GPC5: variants seen among roughly 807,000 people sequenced by gnomAD.
The protein encoded by GPC5 is glypican-5.
GPC5 carries 47 observed loss-of-function variants against 53.9 expected under a neutral mutation model. The observed-to-expected ratio is 0.87, with a 90% CI of 0.69 to 1.11. GPC5 has a LOEUF of 1.11. GPC5 is among the 50% of genes most tolerant of loss of function. The pLI, the probability that GPC5 is intolerant of heterozygous loss-of-function variation, is 0.00. For synonymous variants in GPC5, 286 were observed against 263.3 expected (o/e 1.09, Z -0.84); for missense variants, 748 against 713.1 (o/e 1.05, Z -0.56).
intron 6 of GPC5, among the ~76,000 whole-genome samples, chr13:91,950,114 C>T (rs1485792951): frequency 6.6e-6 from 1 of 151,924 alleles, no homozygotes; most frequent in Non-Finnish European, 1.5e-5. Flanking sequence ...CAGAGTTGGG[C>T]CCCATTAATT....
intron 5 of GPC5, among the ~76,000 whole-genome samples, chr13:91,848,434 T>TTACA (rs2038876047): frequency 6.6e-6 from 1 of 151,920 alleles, no homozygotes; most frequent in Non-Finnish European, 1.5e-5. Flanking sequence ...GAGGGAAGAG[T>TTACA]TACAGTAAAT....
chr13:92,617,084 T>C (rs1884714445), intron 7 of GPC5, among the ~76,000 whole-genome samples: 1 of 152,182 alleles, frequency 6.6e-6, no homozygotes, highest in Non-Finnish European at 1.5e-5. Context: ...ACACATGTAA[T>C]GCTGTTGCGC....
chr13:91,653,689 C>G (rs73609989), intron 2 of GPC5, among the ~76,000 whole-genome samples: 9,842 of 152,088 alleles, frequency 0.065, 1,078 homozygotes, highest in African/African-American at 0.22. Context: ...CCCTCTTTCT[C>G]CCTTCCTCTT....
chr13:92,276,625 AC>A, intron 7 of GPC5, among the ~76,000 whole-genome samples: 1 of 152,200 alleles, frequency 6.6e-6, no homozygotes, highest in South Asian at 2.1e-4. Flanking sequence ...CTTATTTATT[AC>A]ATTGTTATTA....
chr13:92,728,411 G>C (rs1182477393), intron 7 of GPC5, among the ~76,000 whole-genome samples: 1 of 151,290 alleles, frequency 6.6e-6, no homozygotes, highest in East Asian at 1.9e-4. Flanking sequence ...TAATTTTTTT[G>C]TGGATTCCCC....
intron 2 of GPC5, among the ~76,000 whole-genome samples, chr13:91,612,674 A>G (rs1228219983): frequency 6.6e-6 from 1 of 152,182 alleles, no homozygotes; most frequent in African/African-American, 2.4e-5. Context: ...TGTCAGTAAA[A>G]TTAGGGAGAC....
intron 3 of GPC5, among the ~76,000 whole-genome samples, chr13:91,716,852 G>A (rs1278033576): frequency 1.3e-5 from 2 of 152,224 alleles, no homozygotes; most frequent in African/African-American, 4.8e-5. Context: ...GCATTGTCAT[G>A]TGACTATTTC....
chr13:91,717,550 C>T (rs79761030), intron 3 of GPC5, among the ~76,000 whole-genome samples: 1 of 151,944 alleles, frequency 6.6e-6, no homozygotes, highest in Admixed American at 6.6e-5. Context: ...AGCAGAACAG[C>T]CTTTGCTTGC....
At chr13:92,122,456 G>A (rs141009505) in intron 6 of GPC5, among the ~76,000 whole-genome samples, 1 of 151,666 alleles carries the variant, frequency 6.6e-6, no homozygotes, top group Non-Finnish European at 1.5e-5. Context: ...GCTTCAGCCT[G>A]CTGGTGCTTA....
intron 6 of GPC5, chr13:91,995,457 C>G (rs1430262522): frequency 6.6e-6 from 1 of 152,126 alleles, no homozygotes; most frequent in Non-Finnish European, 1.5e-5. Context: ...AAATATGCTT[C>G]TAACACTTAC....
chr13:92,579,879 T>C (rs1883319923), intron 7 of GPC5, among the ~76,000 whole-genome samples: 1 of 152,192 alleles, frequency 6.6e-6, no homozygotes, highest in African/African-American at 2.4e-5. Context: ...GCTTTTTCAC[T>C]ATGTATGCTT....
At chr13:91,783,587 C>T (rs1440555406) in intron 5 of GPC5, among the ~76,000 whole-genome samples, 1 of 152,042 alleles carries the variant, frequency 6.6e-6, no homozygotes, top group Non-Finnish European at 1.5e-5. Context: ...GCACATGCCA[C>T]CATGCCCGGC....
intron 7 of GPC5, among the ~76,000 whole-genome samples, chr13:92,851,688 T>C (rs1259400328): frequency 6.6e-6 from 1 of 150,500 alleles, no homozygotes; most frequent in Non-Finnish European, 1.5e-5. Flanking sequence ...GAGACCATCC[T>C]GGCTAACACG....
intron 7 of GPC5, among the ~76,000 whole-genome samples, chr13:92,420,459 A>C (rs2139361294): frequency 6.6e-6 from 1 of 152,256 alleles, no homozygotes; most frequent in South Asian, 2.1e-4. Context: ...CACATCTTGC[A>C]AAATGAGGTA....
At chr13:92,394,114 G>A (rs1275030116) in intron 7 of GPC5, among the ~76,000 whole-genome samples, 1 of 152,030 alleles carries the variant, frequency 6.6e-6, no homozygotes, top group Non-Finnish European at 1.5e-5. Flanking sequence ...CTAAGCACAG[G>A]CTGAATGACA....
chr13:91,672,138 C>G (rs1452466469), intron 2 of GPC5, among the ~76,000 whole-genome samples: 1 of 152,140 alleles, frequency 6.6e-6, no homozygotes, highest in African/African-American at 2.4e-5. Flanking sequence ...ACCATAAAAA[C>G]CCTAGTTGAA....
At chr13:91,832,727 G>A (rs1425461489) in intron 5 of GPC5, among the ~76,000 whole-genome samples, 1 of 152,024 alleles carries the variant, frequency 6.6e-6, no homozygotes, top group Non-Finnish European at 1.5e-5. Context: ...AGAATCTCTG[G>A]GACACATTTG....
intron 5 of GPC5, among the ~76,000 whole-genome samples, chr13:91,847,982 C>T (rs1437701840): frequency 6.6e-6 from 1 of 152,106 alleles, no homozygotes; most frequent in Non-Finnish European, 1.5e-5. Context: ...CTTTTAATAG[C>T]GAGGTATTGA....
rs184894362 is a variant in GPC5, at chr13:92,063,067, G to A, written c.1402-81763G>A. Among the ~76,000 whole-genome samples, 301 of 151,212 alleles carry A rather than the reference G, an allele frequency of 2.0e-3. 5 individuals are homozygous for A. Among genetic ancestry groups the A allele is most frequent in the African/African-American group, 7.0e-3 (283 of 40,574 alleles). ...GCAAATCAGGAAAGACTCTGCAGGA[G>A]ATATATTCTTGACTTGCTCCTCCTT... is the stretch of plus-strand genomic sequence containing the variant. On this transcript the variant is annotated intron_variant, in intron 6 of 7. Coordinates refer to ENST00000377067, the MANE Select transcript of GPC5 (RefSeq NM_004466.6).
Sources: allele counts gnomAD v4.1 joint callset (sites outside exome capture counted in the v4.1 genomes callset), GRCh38; gene constraint gnomAD v4.1.1; transcripts MANE v1.5; gene names NCBI Gene and HGNC (gene_info 2026-07-23, HGNC 2026-07-21).